Variants in CSMD2 observed in about 807,000 individuals in gnomAD.
CSMD2 encodes the protein CUB and sushi domain-containing protein 2.
CSMD2 carries 130 observed loss-of-function variants against 398.5 expected under a neutral mutation model. The observed-to-expected ratio is 0.33, with a 90% CI of 0.28 to 0.38. CSMD2 has a LOEUF of 0.38. Among genes scored for constraint, CSMD2 ranks in the 10% least tolerant of loss-of-function variants. CSMD2 has a pLI of 1.00. For synonymous variants in CSMD2, 1,828 were observed against 1,908.5 expected, an observed-to-expected ratio of 0.96 and a Z score of 1.10; for missense variants, 3,829 against 4,764.9, an observed-to-expected ratio of 0.80 and a Z score of 5.78.
chr1:33,616,905 C>T lies in CSMD2; in HGVS notation c.6016+1G>A, dbSNP rs1557628003. On this transcript the variant is annotated splice_donor_variant, in intron 39 of 70. Coordinates refer to ENST00000373381, the MANE Select transcript of CSMD2 (RefSeq NM_001281956.2). LOFTEE classifies it high-confidence loss of function. ...GAATTGTAAAGTCTGGGCTGTCTTA[C>T]CAATACAGAGTGGAGGAGGGTAGTT... The T allele has an allele frequency of 6.2e-7, 1 of 1,613,282 alleles. No homozygotes were observed. The highest frequency in any genetic ancestry group is 8.5e-7 in the Non-Finnish European group (1 of 1,179,200).
intron 2 of CSMD2, among the ~76,000 whole-genome samples, chr1:34,056,412 G>C (rs1653836058): frequency 6.6e-6 from 1 of 152,186 alleles, no homozygotes; most frequent in Non-Finnish European, 1.5e-5. Flanking sequence ...CTGGAATGAA[G>C]AGGTCTTTGG....
chr1:33,991,225 TG>T (rs1646544194), intron 3 of CSMD2, among the ~76,000 whole-genome samples: 2 of 152,162 alleles, frequency 1.3e-5, no homozygotes, highest in Admixed American at 6.5e-5. Context: ...CCAGCTGGCA[TG>T]GAACTCCTGG....
intron 5 of CSMD2, among the ~76,000 whole-genome samples, chr1:33,911,807 G>A (rs928927817): frequency 3.9e-5 from 6 of 152,178 alleles, no homozygotes; most frequent in Admixed American, 1.3e-4. Flanking sequence ...GGAGGGAGAT[G>A]CCTAGGCTCA....
At chr1:33,712,500 G>A (rs1390326353) in intron 21 of CSMD2, among the ~76,000 whole-genome samples, 1 of 152,214 alleles carries the variant, frequency 6.6e-6, no homozygotes, top group Admixed American at 6.5e-5. Flanking sequence ...CAGCAGGGCT[G>A]GTGGTAATTA....
chr1:33,918,766 G>A (rs1276568183), intron 4 of CSMD2, among the ~76,000 whole-genome samples: 1 of 152,144 alleles, frequency 6.6e-6, no homozygotes, highest in Non-Finnish European at 1.5e-5. Context: ...TGGATTTTAG[G>A]GTAAGGAAGG....
At chr1:33,585,445 C>T (rs533363943) in intron 46 of CSMD2, among the ~76,000 whole-genome samples, 10 of 152,308 alleles carry the variant, frequency 6.6e-5, no homozygotes, top group South Asian at 4.1e-4. Context: ...TTTCACAGGA[C>T]GCATCCAGGA....
chr1:33,593,474 T>G (rs573493308), intron 44 of CSMD2, among the ~76,000 whole-genome samples: 31 of 152,366 alleles, frequency 2.0e-4, no homozygotes, highest in African/African-American at 6.7e-4. Flanking sequence ...TTGAAAGGCA[T>G]GTCTCACATG....
intron 25 of CSMD2, among the ~76,000 whole-genome samples, chr1:33,674,532 A>G (rs1307713696): frequency 6.6e-6 from 1 of 152,206 alleles, no homozygotes; most frequent in Non-Finnish European, 1.5e-5. Flanking sequence ...CCCCACTGTC[A>G]ACATTAGACA....
intron 52 of CSMD2, among the ~76,000 whole-genome samples, 160 bp downstream of exon 52, chr1:33,569,214 G>T (rs540247455): frequency 1.3e-5 from 2 of 152,240 alleles, no homozygotes; most frequent in African/African-American, 4.8e-5. Flanking sequence ...CTGTTCCAGG[G>T]TTTTAGTCAT....
At chr1:33,831,418 A>G (rs886992161) in intron 6 of CSMD2, among the ~76,000 whole-genome samples, 1 of 152,248 alleles carries the variant, frequency 6.6e-6, no homozygotes, top group Non-Finnish European at 1.5e-5. Flanking sequence ...ACTAAGCTTC[A>G]TAAGTGAAGG....
At chr1:33,577,505 C>T in intron 48 of CSMD2, 21 bp from the exon 49 acceptor site, 5 of 1,588,126 alleles carry the variant, frequency 3.1e-6, no homozygotes, top group Non-Finnish European at 4.3e-6. Context: ...AGATGAGGTT[C>T]AGGGAACTGG....
At chr1:34,071,956 T>C (rs1293489213) in intron 2 of CSMD2, among the ~76,000 whole-genome samples, 1 of 152,206 alleles carries the variant, frequency 6.6e-6, no homozygotes, top group African/African-American at 2.4e-5. Context: ...ATTTAAATCC[T>C]CATATTGTAA....
intron 1 of CSMD2, among the ~76,000 whole-genome samples, chr1:34,120,427 C>G (rs539296345): frequency 4.6e-5 from 7 of 152,236 alleles, no homozygotes; most frequent in South Asian, 2.1e-4. Flanking sequence ...GTGGTTAAGA[C>G]AGTAAATTTT....
intron 3 of CSMD2, among the ~76,000 whole-genome samples, chr1:34,013,910 C>T (rs1647719118): frequency 6.6e-6 from 1 of 152,138 alleles, no homozygotes. Flanking sequence ...CTCCCATATT[C>T]CTGGCAGGCT....
intron 13 of CSMD2, among the ~76,000 whole-genome samples, chr1:33,761,068 CT>C (rs1194417812): frequency 1.3e-5 from 2 of 152,136 alleles, no homozygotes; most frequent in Non-Finnish European, 2.9e-5. Context: ...GGTGAGGCAC[CT>C]TCTGTGAGCA....
At chr1:33,688,587 G>A (rs1645132469) in intron 25 of CSMD2, among the ~76,000 whole-genome samples, 1 of 152,200 alleles carries the variant, frequency 6.6e-6, no homozygotes, top group Non-Finnish European at 1.5e-5. Flanking sequence ...CACTTTGGGA[G>A]GCTGAGGCAG....
At chr1:33,517,373 A>AT (rs1451656477) in intron 70 of CSMD2, among the ~76,000 whole-genome samples, 4 of 152,170 alleles carry the variant, frequency 2.6e-5, no homozygotes, top group Non-Finnish European at 4.4e-5. Flanking sequence ...AGGTGACAGC[A>AT]TGGCGCACAC....
chr1:33,633,036 C>T lies in CSMD2; in HGVS notation c.5200+386G>A, dbSNP rs984242744. Reference sequence around the variant, plus strand: ...ACAAAGACTGGAAGGAAATCCACTACATCTTGTCAGTGGCTCTTTCGGGGT... The same window carrying T: ...ACAAAGACTGGAAGGAAATCCACTATATCTTGTCAGTGGCTCTTTCGGGGT... On this transcript the variant is annotated intron_variant, in intron 32 of 70. Coordinates refer to ENST00000373381, the MANE Select transcript of CSMD2 (RefSeq NM_001281956.2). The surrounding 1 kb of genome is among the most constrained non-coding windows in gnomAD (Gnocchi z 5.0). Among the ~76,000 whole-genome samples the T allele has an allele frequency of 1.3e-5, 2 of 152,322 alleles. No individual in the cohort carries two copies. The highest frequency in any genetic ancestry group is 4.1e-4 in the South Asian group (2 of 4,832).
intron 13 of CSMD2, among the ~76,000 whole-genome samples, chr1:33,769,184 A>G (rs1168270640): frequency 6.6e-6 from 1 of 152,216 alleles, no homozygotes; most frequent in Admixed American, 6.5e-5. Flanking sequence ...TTGTATGGGA[A>G]ATGCTCTCTA....
Sources: gnomAD v4.1 joint callset for allele counts (sites outside exome capture counted in the v4.1 genomes callset) on GRCh38, gnomAD v4.1.1 for gene constraint, Gnocchi (gnomAD v3.1) non-coding constraint, MANE v1.5 for transcripts, NCBI Gene and HGNC (gene_info 2026-07-23, HGNC 2026-07-21) for gene names.